C3orf70: variants seen among roughly 807,000 people sequenced by gnomAD.
C3orf70 encodes chromosome 3 open reading frame 70.
Under a neutral mutation model 20.7 loss-of-function variants are expected in C3orf70, and 15 were observed. That is an observed-to-expected ratio of 0.72 (90% CI 0.48 to 1.11). The LOEUF (loss-of-function observed/expected upper bound fraction) is 1.11, where lower values mean the gene tolerates loss of function less well. Ranked by LOEUF, C3orf70 falls within the 50% of genes most tolerant of loss-of-function variation. The pLI is 0.00. For synonymous variants in C3orf70, 161 were observed against 125.7 expected (o/e 1.28, Z -1.88); for missense variants, 332 against 317.6 (o/e 1.05, Z -0.34).
At position 185,135,621 on chromosome 3, in the gene C3orf70, T is replaced by G. The variant is rs75929568; in HGVS notation, c.196+17007A>C. Among the ~76,000 whole-genome samples the G allele has an allele frequency of 2.2e-3, 334 of 152,316 alleles. 1 individual carries two copies. Among genetic ancestry groups the G allele is most frequent in the African/African-American group, 7.7e-3 (320 of 41,566 alleles). ...ATAGTTAACAGCAATGTATTGCACA[T>G]TTCAAAATAATTAAAACGGAGAACT... is the stretch of plus-strand genomic sequence containing the variant. On this transcript the variant is annotated intron_variant, in intron 1 of 1. Coordinates refer to ENST00000335012, the MANE Select transcript of C3orf70 (RefSeq NM_001025266.3).
chr3:185,115,437 C>CTCCTTCCCTGATGTA (rs1306704524), intron 1 of C3orf70, among the ~76,000 whole-genome samples: 1 of 152,202 alleles, frequency 6.6e-6, no homozygotes, highest in Non-Finnish European at 1.5e-5. Flanking sequence ...AAGGCTTCCT[C>CTCCTTCCCTGATGTA]TCCTTCCCTG....
chr3:185,138,515 T>C lies in C3orf70; in HGVS notation c.196+14113A>G, dbSNP rs138197517. Among the ~76,000 whole-genome samples, 334 of 151,152 alleles carry C rather than the reference T, an allele frequency of 2.2e-3. 1 individual carries two copies. The highest frequency in any genetic ancestry group is 7.6e-3 in the African/African-American group (314 of 41,258). ...AAATATTTAACAAACTATTAGCCAA[T>C]AGAAATCAACAATATACTAAAATAA... On this transcript the variant is annotated intron_variant, in intron 1 of 1. Transcript: ENST00000335012.
At chr3:185,135,861 C>A (rs1286968077) in intron 1 of C3orf70, among the ~76,000 whole-genome samples, 1 of 148,510 alleles carries the variant, frequency 6.7e-6, no homozygotes, top group Admixed American at 6.7e-5. Context: ...AAATGGAATT[C>A]AAAAAAATGT....
rs1392198399 is a variant in C3orf70 at position 185,143,299 on chromosome 3, A to T, written c.196+9329T>A. Among the ~76,000 whole-genome samples the T allele has an allele frequency of 2.0e-5, 3 of 152,336 alleles. No individual in the cohort carries two copies. The East Asian group carries it at 5.8e-4, about 29-fold the overall frequency. On this transcript the variant is annotated intron_variant, in intron 1 of 1. Transcript: ENST00000335012. Reference sequence around the variant, plus strand: ...GTGTAGTCAGAAAAAGGGAAAGATAAAGCAAATGAGTCCAACAGATAAAAT... The same window carrying T: ...GTGTAGTCAGAAAAAGGGAAAGATATAGCAAATGAGTCCAACAGATAAAAT...
chr3:185,130,004 A>C (rs956955440), intron 1 of C3orf70, among the ~76,000 whole-genome samples: 1 of 152,326 alleles, frequency 6.6e-6, no homozygotes, highest in Middle Eastern at 3.4e-3. Context: ...GTTCCAGTGT[A>C]TCTCTTGTAA....
intron 1 of C3orf70, among the ~76,000 whole-genome samples, chr3:185,129,045 A>G (rs1716474785): frequency 6.6e-6 from 1 of 152,176 alleles, no homozygotes; most frequent in South Asian, 2.1e-4. Context: ...ATAAATTTTA[A>G]ATTATTATTT....
chr3:185,111,999 C>A (rs933205649), intron 1 of C3orf70, among the ~76,000 whole-genome samples: 14 of 152,080 alleles, frequency 9.2e-5, no homozygotes, highest in African/African-American at 3.4e-4. Flanking sequence ...AAACAGAAAT[C>A]ATGGGGCTGG....
intron 1 of C3orf70, among the ~76,000 whole-genome samples, chr3:185,138,509 A>G (rs1192932190): frequency 1.3e-5 from 2 of 152,082 alleles, no homozygotes; most frequent in Non-Finnish European, 2.9e-5. Context: ...ACAAACTATT[A>G]GCCAATAGAA....
At chr3:185,152,415 T>C (rs1717008357) in intron 1 of C3orf70, among the ~76,000 whole-genome samples, 1 of 152,076 alleles carries the variant, frequency 6.6e-6, no homozygotes, top group African/African-American at 2.4e-5. Flanking sequence ...CCCCACGGGA[T>C]TTCATCTCGT....
At chr3:185,110,714 TA>T (rs1413905243) in intron 1 of C3orf70, among the ~76,000 whole-genome samples, 2 of 152,234 alleles carry the variant, frequency 1.3e-5, no homozygotes, top group African/African-American at 4.8e-5. Context: ...GAAAACCGCT[TA>T]AAGCCATTCT....
At chr3:185,150,540 TA>T (rs938894781) in intron 1 of C3orf70, among the ~76,000 whole-genome samples, 3 of 151,222 alleles carry the variant, frequency 2.0e-5, no homozygotes, top group African/African-American at 7.3e-5. Flanking sequence ...TCACATATGT[TA>T]AAAAAAAACA....
intron 1 of C3orf70, among the ~76,000 whole-genome samples, chr3:185,130,127 T>C (rs977356517): frequency 1.3e-5 from 2 of 152,186 alleles, no homozygotes; most frequent in African/African-American, 4.8e-5. Context: ...ATTCATCCTA[T>C]AAAAATATTT....
intron 1 of C3orf70, among the ~76,000 whole-genome samples, chr3:185,149,440 A>C (rs1016129146): frequency 2.1e-4 from 32 of 150,462 alleles, no homozygotes; most frequent in Non-Finnish European, 3.1e-4. Flanking sequence ...TTGTGTCCTT[A>C]GACTCTGCAT....
chr3:185,087,938 G>GTCTC (rs58269021), intron 1 of C3orf70, among the ~76,000 whole-genome samples: 1 of 143,374 alleles, frequency 7.0e-6, no homozygotes, highest in African/African-American at 2.6e-5. Context: ...TTGAGATGGA[G>GTCTC]TCTCTCTCTG....
At chr3:185,117,230 A>G (rs1289214734) in intron 1 of C3orf70, among the ~76,000 whole-genome samples, 1 of 152,094 alleles carries the variant, frequency 6.6e-6, no homozygotes, top group Non-Finnish European at 1.5e-5. Flanking sequence ...GAATTTCCCA[A>G]TTGTTTTTTT....
At chr3:185,103,567 C>T (rs1011208180) in intron 1 of C3orf70, among the ~76,000 whole-genome samples, 6 of 151,774 alleles carry the variant, frequency 4.0e-5, no homozygotes, top group African/African-American at 9.7e-5. Context: ...AAGTCATACA[C>T]GCAGCCAACA....
intron 1 of C3orf70, among the ~76,000 whole-genome samples, chr3:185,105,204 G>A (rs995263808): frequency 1.3e-5 from 2 of 152,250 alleles, no homozygotes; most frequent in Admixed American, 6.5e-5. Flanking sequence ...ATCCACATGT[G>A]TTGGGAGCAG....
intron 1 of C3orf70, among the ~76,000 whole-genome samples, chr3:185,092,975 G>A (rs1224563930): frequency 7.5e-6 from 1 of 133,500 alleles, no homozygotes; most frequent in Non-Finnish European, 1.6e-5. Context: ...TGGCGACAAA[G>A]CAAGACTCCA....
At chr3:185,088,207 G>A (rs533896400) in intron 1 of C3orf70, among the ~76,000 whole-genome samples, 69 of 152,072 alleles carry the variant, frequency 4.5e-4, no homozygotes, top group Non-Finnish European at 8.7e-4. Context: ...CACTGTGCCC[G>A]GCTATACTTT....
Sources: gnomAD v4.1 joint callset for allele counts (sites outside exome capture counted in the v4.1 genomes callset) on GRCh38, gnomAD v4.1.1 for gene constraint, MANE v1.5 for transcripts, NCBI Gene and HGNC (gene_info 2026-07-23, HGNC 2026-07-21) for gene names.